The following L1CAM variants were observed in gnomAD, a reference collection of about 807,000 sequenced individuals.
The protein encoded by L1CAM is neural cell adhesion molecule L1.
In L1CAM, 8 loss-of-function variants were observed where a neutral mutation model predicts 93.0. That is an observed-to-expected ratio of 0.09 (90% CI 0.05 to 0.16). The LOEUF (loss-of-function observed/expected upper bound fraction) is 0.16. L1CAM is among the 10% of genes least tolerant of loss of function. L1CAM has a pLI of 1.00. For missense variants in L1CAM, 777 were observed against 1,073.4 expected (o/e 0.72, Z 3.86); for synonymous variants, 453 against 453.0 (o/e 1.00, Z 0.00).
At chrX:153,875,540 G>GCCTGTC in intron 2 of L1CAM, 1 of 503,485 alleles carries the variant, frequency 2.0e-6, no homozygotes, top group Non-Finnish European at 3.6e-6. Flanking sequence ...CGGCGGCCGC[G>GCCTGTC]CCTGTCCCTG....
intron 28 of L1CAM, 28 bp downstream of exon 28, chrX:153,863,340 T>C: frequency 8.3e-7 from 1 of 1,204,692 alleles, no homozygotes; most frequent in East Asian, 3.0e-5. Flanking sequence ...ACCTTGCTGT[T>C]GGCCCCTCCC....
chrX:153,865,645 C>T, intron 20 of L1CAM, 59 bp downstream of exon 20: 1 of 1,023,108 alleles, frequency 9.8e-7, no homozygotes, highest in Non-Finnish European at 1.4e-6. Context: ...GCCCCCTCAC[C>T]ATCCTGTCGC....
At chrX:153,882,293 A>AC (rs1489332361) in intron 1 of L1CAM, among the ~76,000 whole-genome samples, 1 of 108,652 alleles carries the variant, frequency 9.2e-6, no homozygotes, top group African/African-American at 3.4e-5. Flanking sequence ...GCCACAGGGA[A>AC]CCCCCCTCCA....
rs782287774 is a variant in L1CAM at position 153,869,862 on chromosome X, T to C, written c.1064A>G (p.Gln355Arg). The change falls in exon 10 of 29, where the codon CAA (glutamine) becomes CGA (arginine). Residue 355 changes from glutamine to arginine, a missense_variant. By Grantham distance (43) the Gln-to-Arg change is conservative. Transcript: ENST00000370060. ...CTCTGGTTGGGGCCTGCCCTGGACT[T>C]GGCAGTCCAGGCGGGCAGTCTCTCC... Reference protein sequence around the residue: ...GPGETARLDCQVQGRPQPEVT... With the variant: ...GPGETARLDCRVQGRPQPEVT... The C allele has an allele frequency of 3.3e-6, 4 of 1,208,411 alleles. No individual in the cohort carries two copies. The East Asian group carries it at 1.2e-4, about 36-fold the overall frequency.
rs1557096269 is a variant in L1CAM at position 153,883,844 on chromosome X, A to G, written c.-109+2221T>C. 8.7e-6 allele frequency: 3 copies of G among 342,993 alleles called. No homozygotes were observed. The East Asian group carries it at 2.9e-4, about 33-fold the overall frequency. 28.3% of individuals were successfully genotyped at this position (342,993 alleles called of 1,213,427 possible). A position where few individuals can be genotyped will look rare whatever the true frequency, so the allele number is the denominator to read the frequency against. On this transcript the variant is annotated intron_variant, in intron 1 of 28. Transcript: ENST00000370060. ...GAGGCCGCATCACCCTCACACCCAG[A>G]AAAGCACTCAGTGCAGCCATTTCGA...
chrX:153,864,224 G>C, intron 25 of L1CAM, 98 bp downstream of exon 25: 1 of 1,053,486 alleles, frequency 9.5e-7, no homozygotes, highest in Non-Finnish European at 1.3e-6. Flanking sequence ...GCCGTGGAGG[G>C]AGCCTGGGCA....
At chrX:153,885,216 G>A in intron 1 of L1CAM, 1 of 294,794 alleles carries the variant, frequency 3.4e-6, no homozygotes, top group Non-Finnish European at 6.6e-6. Context: ...CAAAAGACCT[G>A]CAGTGCGCAG....
intron 24 of L1CAM, 38 bp downstream of exon 24, chrX:153,864,547 C>T: frequency 1.7e-6 from 2 of 1,208,362 alleles, no homozygotes; most frequent in Non-Finnish European, 2.2e-6. Context: ...CCAGAGCCCC[C>T]TTCCCCACCA....
chrX:153,872,362 C>A lies in L1CAM; in HGVS notation c.198-8G>T, dbSNP rs201664558. ...TCCCTCGTCCAGCGGAACCTGTGGG[C>A]GGAAAAAGGCCCAGAGGCCTGAGGC... On this transcript the variant is annotated splice_polypyrimidine_tract_variant and splice_region_variant and intron_variant, in intron 4 of 28. Coordinates refer to ENST00000370060, the MANE Select transcript of L1CAM (RefSeq NM_001278116.2). 9.1e-6 allele frequency: 11 copies of A among 1,202,225 alleles called. No homozygotes were observed. In the African/African-American group the frequency reaches 1.6e-4, roughly 18 times the overall value.
rs782603167 is a variant in L1CAM, at chrX:153,863,985, T to C, written c.3355A>G (p.Thr1119Ala). ...ACAAAGCCGATGAACCAGCCCTCAG[T>C]GGCGAAGCCAGCAGGAGGGAGCCTC... Reference protein sequence around the residue: ...RVRLPPAGFATEGWFIGFVSA... With the variant: ...RVRLPPAGFAAEGWFIGFVSA... The change falls in exon 26 of 29, where the codon ACT becomes GCT. Residue 1119 changes from threonine to alanine, a missense_variant. Physicochemically the swap from Thr to Ala is moderately conservative, Grantham distance 58 (BLOSUM62 0). Transcript: ENST00000370060. 8.2e-7 allele frequency: 1 copy of C among 1,212,133 alleles called. No individual in the cohort carries two copies. Among genetic ancestry groups the C allele is most frequent in the East Asian group, 3.0e-5 (1 of 33,861 alleles).
chrX:153,865,042 C>T, intron 22 of L1CAM, 46 bp downstream of exon 22: 2 of 1,211,820 alleles, frequency 1.7e-6, no homozygotes, highest in African/African-American at 1.7e-5. Flanking sequence ...CTGCCCCCTC[C>T]CCGTGGCCCC....
chrX:153,863,694 G>C (rs1417336369), intron 26 of L1CAM, 145 bp from the exon 27 acceptor site: 28 of 821,148 alleles, frequency 3.4e-5, no homozygotes, highest in Non-Finnish European at 4.8e-5. Flanking sequence ...ACCCCCTGCG[G>C]TCCAGCCACC....
chrX:153,865,883 A>T, intron 19 of L1CAM, 64 bp from the exon 20 acceptor site: 1 of 734,732 alleles, frequency 1.4e-6, no homozygotes, highest in Admixed American at 2.2e-5. Context: ...GGCCAGGCCC[A>T]AGCCCCTACA....
intron 28 of L1CAM, 35 bp from the exon 29 acceptor site, chrX:153,862,929 C>T: frequency 9.1e-7 from 1 of 1,096,128 alleles, no homozygotes; most frequent in Non-Finnish European, 1.2e-6. Flanking sequence ...AGTGAGAGCA[C>T]TGCCGAGCCC....
chrX:153,868,488 C>G (rs1557091848), intron 13 of L1CAM, 30 bp from the exon 14 acceptor site: 1 of 1,212,003 alleles, frequency 8.3e-7, no homozygotes, highest in Middle Eastern at 2.3e-4. Context: ...GGGGAAGTCA[C>G]TCTGTTGTCC....
At chrX:153,871,852 C>A (rs1274949194) in intron 5 of L1CAM, among the ~76,000 whole-genome samples, 5 of 102,149 alleles carry the variant, frequency 4.9e-5, no homozygotes, top group East Asian at 6.2e-4. Context: ...TCACTCCCCC[C>A]ACCAGCCCGC....
At position 153,875,182 on chromosome X, in the gene L1CAM, C is replaced by G. The variant is rs1420220252; in HGVS notation, c.76+579G>C. 4.5e-5 allele frequency among the ~76,000 whole-genome samples: 5 copies of G among 111,599 alleles called. No homozygotes were observed. The East Asian group carries it at 1.4e-3, about 32-fold the overall frequency. ...AGACACATGCTCCAGCAGCCCTGCC[C>G]CCACCCCCACCAAATAACTACACAC... On this transcript the variant is annotated intron_variant, in intron 2 of 28. Transcript: ENST00000370060.
Position 153,867,414 on chromosome X carries a change from G to T in L1CAM, c.2079C>A (p.Asn693Lys). The T allele has an allele frequency of 8.3e-7, 1 of 1,210,075 alleles. No individual in the cohort carries two copies. Among genetic ancestry groups the T allele is most frequent in the Non-Finnish European group, 1.1e-6 (1 of 894,075 alleles). The stretch of plus-strand genomic sequence containing the variant: ...GGCTGGGCTCCCCGGGGCCATATTT[G>T]TTTATGGCAGTAACCCTAAAGGTGT... Reference protein sequence around the residue: ...VHYTFRVTAINKYGPGEPSPV... With the variant: ...VHYTFRVTAIKKYGPGEPSPV... Residue 693 changes from asparagine (N) to lysine (K), a missense_variant, in exon 17 of 29, where the codon AAC becomes AAA. Asn to Lys is a moderately conservative substitution (Grantham distance 94). This residue lies in a region of L1CAM where 574 missense variants were observed against 781.0 expected (regional missense o/e 0.73). Coordinates refer to ENST00000370060, the MANE Select transcript of L1CAM (RefSeq NM_001278116.2).
chrX:153,872,494 G>T lies in L1CAM; in HGVS notation c.197+98C>A, dbSNP rs782381735. On this transcript the variant is annotated intron_variant, in intron 4 of 28. Transcript: ENST00000370060. ...GCGAGGACTTGGGGTGATTAGCAAG[G>T]TTTGGGGCTTCTGGGCTTAGAAGTT... is the stretch of plus-strand genomic sequence containing the variant. The T allele has an allele frequency of 1.6e-4, 152 of 948,578 alleles. 3 individuals are homozygous for T. The Middle Eastern group carries it at 1.6e-3, about 10-fold the overall frequency. 78.2% of individuals were successfully genotyped at this position (948,578 alleles called of 1,213,427 possible).
Sources: gnomAD v4.1 joint callset for allele counts (sites outside exome capture counted in the v4.1 genomes callset) on GRCh38, gnomAD v4.1.1 for gene constraint, gnomAD v4.1.1 regional missense constraint, MANE v1.5 for transcripts, NCBI Gene and HGNC (gene_info 2026-07-23, HGNC 2026-07-21) for gene names.